SLC5A2: variants seen among roughly 807,000 people sequenced by gnomAD.
The protein encoded by SLC5A2 is sodium/glucose cotransporter 2.
Under a neutral mutation model 69.0 loss-of-function variants are expected in SLC5A2, and 67 were observed. The observed-to-expected ratio is 0.97, with a 90% confidence interval of 0.80 to 1.19. SLC5A2 has a LOEUF of 1.19. SLC5A2 is among the 50% of genes most tolerant of loss of function. The probability of loss-of-function intolerance (pLI) is 0.00; values close to 1 mark genes in which losing one functional copy is unlikely to be tolerated. For synonymous variants in SLC5A2, 455 were observed against 395.8 expected, an observed-to-expected ratio of 1.15 and a Z score of -1.78; for missense variants, 1,001 against 921.5, an observed-to-expected ratio of 1.09 and a Z score of -1.12.
At chr16:31,485,443 G>C (rs190950596) in intron 3 of SLC5A2, 156 of 535,324 alleles carry the variant, frequency 2.9e-4, no homozygotes, top group African/African-American at 2.8e-3. Context: ...AGTCTGAGGG[G>C]TCTATGCTGG....
In SLC5A2 at chr16:31,490,437, G is replaced by T. The variant is rs149843540; in HGVS notation, c.1921G>T (p.Glu641Ter). ...EEAAAAARRL[E>*]DISEDPSWAR... ...GGCAGCGGCAGCAGCCAGGCGGCTGGAGGACATCAGCGAGGACCCGAGCTG... is the reference window on the plus strand; with the variant it reads ...GGCAGCGGCAGCAGCCAGGCGGCTGTAGGACATCAGCGAGGACCCGAGCTG... The change falls in exon 14 of 14, where the codon GAG (glutamate) becomes TAG (stop). Residue 641 changes from glutamate to a stop codon, truncating the protein, a stop_gained. Coordinates refer to ENST00000330498, the MANE Select transcript of SLC5A2 (RefSeq NM_003041.4). LOFTEE classifies it high-confidence loss of function. 1.9e-6 allele frequency: 3 copies of T among 1,613,892 alleles called. No homozygotes were observed. Among genetic ancestry groups the T allele is most frequent in the Non-Finnish European group, 2.5e-6 (3 of 1,179,992 alleles).
At position 31,487,318 on chromosome 16, in the gene SLC5A2, A is replaced by G. The variant is rs556875903; in HGVS notation, c.575-2A>G. On this transcript the variant is annotated splice_acceptor_variant, in intron 5 of 13. Coordinates refer to ENST00000330498, the MANE Select transcript of SLC5A2 (RefSeq NM_003041.4). LOFTEE classifies it high-confidence loss of function. ...CTGTCCCCTGACCCCGGCCTGTTGC[A>G]GGAGGGCTGGCCGCGCTGATGTACA... The G allele has an allele frequency of 1.9e-6, 3 of 1,613,490 alleles. No homozygotes were observed. In the South Asian group the frequency reaches 3.3e-5, roughly 18 times the overall value.
rs1218708953 is a variant in SLC5A2 at position 31,490,227 on chromosome 16, A to G, written c.1789A>G (p.Asn597Asp). The G allele has an allele frequency of 1.9e-6, 3 of 1,614,156 alleles. No individual in the cohort carries two copies. Among genetic ancestry groups the G allele is most frequent in the South Asian group, 1.1e-5 (1 of 91,080 alleles). ...NGCPESAMEM[N>D]EPQAPAPSLF... ...GTGCCCAGAGAGTGCCATGGAGATGAATGGTAGGGCACCATGCTGGGAGGT... is the reference window on the plus strand; with the variant it reads ...GTGCCCAGAGAGTGCCATGGAGATGGATGGTAGGGCACCATGCTGGGAGGT... Residue 597 changes from asparagine (N) to aspartate (D), a missense_variant, in exon 13 of 14, where the codon AAT (asparagine) becomes GAT (aspartate). By Grantham distance (23) the Asn-to-Asp change is conservative (BLOSUM62 1). Transcript: ENST00000330498.
chr16:31,485,499 C>G, intron 3 of SLC5A2: 1 of 600,076 alleles, frequency 1.7e-6, no homozygotes, highest in Non-Finnish European at 3.0e-6. Context: ...GAAAAACGGG[C>G]CAGAAGTGAT....
chr16:31,490,713 G>A lies in SLC5A2; in HGVS notation c.*178G>A. 1 of 1,227,444 alleles carries A rather than the reference G, an allele frequency of 8.1e-7. No individual in the cohort carries two copies. Among genetic ancestry groups the A allele is most frequent in the South Asian group, 1.3e-5 (1 of 79,918 alleles). 76.0% of individuals were successfully genotyped at this position (1,227,444 alleles called of 1,614,324 possible). On this transcript the variant is annotated 3_prime_UTR_variant, in exon 14 of 14. Coordinates refer to ENST00000330498, the MANE Select transcript of SLC5A2 (RefSeq NM_003041.4). ...TGATTGGCAGTCACTTCCCATGAGGGCCTGGCCCACCCGCTGCAGTTGCCC... is the reference window on the plus strand; with the variant it reads ...TGATTGGCAGTCACTTCCCATGAGGACCTGGCCCACCCGCTGCAGTTGCCC...
chr16:31,488,038 G>C lies in SLC5A2; in HGVS notation c.886G>C (p.Val296Leu), dbSNP rs778273828. ...GGGCAGCTGAACGCCCCTCCCGTAGGTCATCGTGCAGCGCTGCCTGGCCGG... is the reference window on the plus strand; with the variant it reads ...GGGCAGCTGAACGCCCCTCCCGTAGCTCATCGTGCAGCGCTGCCTGGCCGG... ...VSGWYWCSDQ[V>L]IVQRCLAGKS... The change falls in exon 8 of 14, where the codon GTC becomes CTC. Residue 296 changes from valine to leucine, a missense_variant and splice_region_variant. By Grantham distance (32) the Val-to-Leu change is conservative. Coordinates refer to ENST00000330498, the MANE Select transcript of SLC5A2 (RefSeq NM_003041.4). 2.5e-5 allele frequency: 40 copies of C among 1,613,280 alleles called. No individual in the cohort carries two copies. The highest frequency in any genetic ancestry group is 1.2e-4 in the Admixed American group (7 of 60,016).
In SLC5A2 at chr16:31,490,589, G is replaced by A. The variant is rs1346784308; in HGVS notation, c.*54G>A. 1.6e-5 allele frequency: 23 copies of A among 1,453,008 alleles called. No homozygotes were observed. Among genetic ancestry groups the A allele is most frequent in the Admixed American group, 1.1e-4 (6 of 52,598 alleles). The allele number at this position is 1,453,008 out of a possible 1,614,324, so 90.0% of individuals were successfully genotyped here. A position where few individuals can be genotyped will look rare whatever the true frequency, so the allele number is the denominator to read the frequency against. ...CAGCCTCACAGGAAGTGGGGGTGAG[G>A]AGCCTGCGGTGCTCCCCAGAAAAGG... On this transcript the variant is annotated 3_prime_UTR_variant, in exon 14 of 14. Transcript: ENST00000330498.
chr16:31,487,146 C>T (rs1468681162), intron 5 of SLC5A2, among the ~76,000 whole-genome samples, 174 bp from the exon 6 acceptor site: 1 of 152,228 alleles, frequency 6.6e-6, no homozygotes, highest in Non-Finnish European at 1.5e-5. Flanking sequence ...ACACTCTGCC[C>T]GCCAAGCCCT....
At chr16:31,489,999 C>A in intron 12 of SLC5A2, 105 bp from the exon 13 acceptor site, 1 of 1,477,550 alleles carries the variant, frequency 6.8e-7, no homozygotes, top group Non-Finnish European at 9.3e-7. Context: ...GTAGACTGGA[C>A]AGAGGTGGGT....
chr16:31,490,577 A>T lies in SLC5A2; in HGVS notation c.*42A>T. On this transcript the variant is annotated 3_prime_UTR_variant, in exon 14 of 14. Transcript: ENST00000330498. ...CACCATAAGCCACAGCCTCACAGGA[A>T]GTGGGGGTGAGGAGCCTGCGGTGCT... 6.7e-7 allele frequency: 1 copy of T among 1,498,248 alleles called. No individual in the cohort carries two copies. The highest frequency in any genetic ancestry group is 9.2e-7 in the Non-Finnish European group (1 of 1,086,902). 92.8% of individuals were successfully genotyped at this position (1,498,248 alleles called of 1,614,324 possible).
At chr16:31,487,909 C>T (rs936640565) in intron 7 of SLC5A2, 129 bp from the exon 8 acceptor site, 2 of 1,447,664 alleles carry the variant, frequency 1.4e-6, no homozygotes, top group African/African-American at 1.4e-5. Context: ...ACAGAAGGCT[C>T]CATCTACTCC....
Position 31,489,205 on chromosome 16 carries a change from G to A in SLC5A2, c.1532G>A (p.Cys511Tyr), listed in dbSNP as rs1269632021. The A allele has an allele frequency of 1.9e-6, 3 of 1,610,270 alleles. No homozygotes were observed. The highest frequency in any genetic ancestry group is 4.5e-5 in the East Asian group (2 of 44,880). ...GAGTTCTCCTTCGGCTCGGGCAGCT[G>A]TGTGCAGCCCTCGGCGTGCCCAGCT... ...IPEFSFGSGS[C>Y]VQPSACPAFL... The change falls in exon 12 of 14, where the codon TGT becomes TAT. Residue 511 changes from cysteine (C) to tyrosine (Y), a missense_variant. Transcript: ENST00000330498.
intron 2 of SLC5A2, 34 bp from the exon 3 acceptor site, chr16:31,484,785 G>A: frequency 6.2e-7 from 1 of 1,611,386 alleles, no homozygotes. Context: ...GCCTGGAGAA[G>A]CAGCCCTGCT....
At position 31,490,724 on chromosome 16, in the gene SLC5A2, C is replaced by T. The variant is rs1399603936; in HGVS notation, c.*189C>T. The T allele has an allele frequency of 7.7e-7, 1 of 1,297,690 alleles. No individual in the cohort carries two copies. Among genetic ancestry groups the T allele is most frequent in the Non-Finnish European group, 1.1e-6 (1 of 903,852 alleles). The allele number at this position is 1,297,690 out of a possible 1,614,324, so 80.4% of individuals were successfully genotyped here. A position where few individuals can be genotyped will look rare whatever the true frequency, so the allele number is the denominator to read the frequency against. ...CACTTCCCATGAGGGCCTGGCCCAC[C>T]CGCTGCAGTTGCCCTAAGGAAAAAT... On this transcript the variant is annotated 3_prime_UTR_variant, in exon 14 of 14. Coordinates refer to ENST00000330498, the MANE Select transcript of SLC5A2 (RefSeq NM_003041.4).
rs1472352255 is a variant in SLC5A2, at chr16:31,484,735, G to A, written c.189G>A (p.Val63=). ...ACTTCCTGGCAGGACGCAGCATGGT[G>A]TGGTGGCCGGTGAGACGGGCTGGGC... is the stretch of plus-strand genomic sequence containing the variant. ...GGYFLAGRSM[V]WWPVGASLFA... Residue 63 remains valine, a synonymous_variant, in exon 2 of 14, where the codon GTG becomes GTA. Transcript: ENST00000330498. 6.2e-7 allele frequency: 1 copy of A among 1,610,452 alleles called. No homozygotes were observed. The highest frequency in any genetic ancestry group is 1.7e-5 in the Admixed American group (1 of 60,034).
In SLC5A2 at chr16:31,485,731, G is replaced by A. The variant is rs200369658; in HGVS notation, c.306G>A (p.Ala102=). Residue 102 remains alanine, a splice_region_variant and synonymous_variant, in exon 4 of 14, where the codon GCG becomes GCA. Transcript: ENST00000330498. ...GLAVAGFEWN[A]LFVVLLLGWL... is the part of the protein sequence containing the mutation. ...AGCGGCAGTACTGCCCCCCGTAGGCGCTCTTCGTGGTGCTGCTACTGGGCT... is the reference window on the plus strand; with the variant it reads ...AGCGGCAGTACTGCCCCCCGTAGGCACTCTTCGTGGTGCTGCTACTGGGCT... 6.2e-5 allele frequency: 100 copies of A among 1,613,108 alleles called. No homozygotes were observed. The Admixed American group carries it at 1.0e-3, about 16-fold the overall frequency.
chr16:31,483,984 G>T (rs1276127188), intron 1 of SLC5A2, among the ~76,000 whole-genome samples: 1 of 152,102 alleles, frequency 6.6e-6, no homozygotes, highest in Non-Finnish European at 1.5e-5. Context: ...CAACTACTCG[G>T]AGGCCAAGGT....
At chr16:31,488,803 G>A in intron 10 of SLC5A2, 31 bp downstream of exon 10, 1 of 1,600,494 alleles carries the variant, frequency 6.2e-7, no homozygotes, top group Non-Finnish European at 8.5e-7. Context: ...CTCCCCAACG[G>A]ATCAGCCCGG....
At position 31,488,677 on chromosome 16, in the gene SLC5A2, C is replaced by T; in HGVS notation, c.1185C>T (p.Ala395=). ...VMLAALMSSL[A]SIFNSSSTLF... ...TGGCCGCGCTCATGTCCTCGCTGGC[C>T]TCCATCTTCAACAGCAGCAGCACGC... The change falls in exon 10 of 14, where the codon GCC becomes GCT. Residue 395 remains alanine, a synonymous_variant. Coordinates refer to ENST00000330498, the MANE Select transcript of SLC5A2 (RefSeq NM_003041.4). 6.2e-7 allele frequency: 1 copy of T among 1,612,704 alleles called. No homozygotes were observed. The highest frequency in any genetic ancestry group is 8.5e-7 in the Non-Finnish European group (1 of 1,179,594).
Sources: allele counts gnomAD v4.1 joint callset (sites outside exome capture counted in the v4.1 genomes callset), GRCh38; gene constraint gnomAD v4.1.1; transcripts MANE v1.5; gene names NCBI Gene and HGNC (gene_info 2026-07-23, HGNC 2026-07-21).